LRP1B: variants seen among roughly 807,000 people sequenced by gnomAD.
LRP1B encodes low-density lipoprotein receptor-related protein 1B.
In LRP1B, 217 loss-of-function variants were observed where a neutral mutation model predicts 556.6. The ratio of observed to expected loss-of-function variants is 0.39; its 90% CI spans 0.35 to 0.44. The LOEUF (loss-of-function observed/expected upper bound fraction) is 0.44. Ranked by LOEUF, LRP1B falls within the 20% of genes least tolerant of loss-of-function variation. The pLI is 1.00. For synonymous variants in LRP1B, 2,047 were observed against 1,865.8 expected, an observed-to-expected ratio of 1.10 and a Z score of -2.50; for missense variants, 5,053 against 5,620.8, an observed-to-expected ratio of 0.90 and a Z score of 3.23.
intron 2 of LRP1B, among the ~76,000 whole-genome samples, chr2:141,501,306 A>G (rs1683701943): frequency 6.6e-6 from 1 of 152,184 alleles, no homozygotes. Flanking sequence ...CCTCAAGAAC[A>G]TAAGTATCAT....
intron 2 of LRP1B, among the ~76,000 whole-genome samples, chr2:141,710,094 T>C (rs1692303428): frequency 6.6e-6 from 1 of 152,130 alleles, no homozygotes; most frequent in Admixed American, 6.6e-5. Context: ...ACCATTACAC[T>C]GGGGGATTAA....
chr2:140,670,666 A>T (rs1402691764), intron 41 of LRP1B, among the ~76,000 whole-genome samples: 1 of 123,976 alleles, frequency 8.1e-6, no homozygotes, highest in Non-Finnish European at 1.8e-5. Flanking sequence ...TTAATCTTTT[A>T]AAAAAATAAG....
At position 140,233,017 on chromosome 2, in the gene LRP1B, AAT is replaced by A. The variant is rs1174685261; in HGVS notation, c.*167_*168del. 2.2e-6 allele frequency: 1 copy of A among 461,134 alleles called. No individual in the cohort carries two copies. The highest frequency in any genetic ancestry group is 3.8e-6 in the Non-Finnish European group (1 of 264,064). The allele number at this position is 461,134 out of a possible 1,614,324, so 28.6% of individuals were successfully genotyped here. A position where few individuals can be genotyped will look rare whatever the true frequency, so the allele number is the denominator to read the frequency against. ...AAAAATACCATACAAATGGTCAATC[AAT>A]AGTCATCAGCAAAAAATAAAACCCA... On this transcript the variant is annotated 3_prime_UTR_variant, in exon 91 of 91. Coordinates refer to ENST00000389484, the MANE Select transcript of LRP1B (RefSeq NM_018557.3).
chr2:140,797,460 T>C (rs1690356311), intron 32 of LRP1B, among the ~76,000 whole-genome samples: 1 of 152,112 alleles, frequency 6.6e-6, no homozygotes. Context: ...AAACATTAAC[T>C]ATAACAGCTT....
chr2:141,652,214 A>G (rs1689820533), intron 2 of LRP1B, among the ~76,000 whole-genome samples: 1 of 152,172 alleles, frequency 6.6e-6, no homozygotes, highest in African/African-American at 2.4e-5. Context: ...ACGCTTTCTC[A>G]TTGAGAGGAT....
intron 18 of LRP1B, among the ~76,000 whole-genome samples, chr2:140,972,874 C>A (rs1429360): frequency 6.7e-6 from 1 of 149,894 alleles, no homozygotes; most frequent in African/African-American, 2.4e-5. Context: ...TTTATAATGA[C>A]ACTATTTGGT....
intron 3 of LRP1B, among the ~76,000 whole-genome samples, chr2:141,298,279 T>G (rs184222619): frequency 6.6e-6 from 1 of 152,220 alleles, no homozygotes; most frequent in East Asian, 1.9e-4. Flanking sequence ...GCCCATGGCT[T>G]TTGGGAGGTA....
At chr2:141,865,275 T>C (rs1174056537) in intron 1 of LRP1B, among the ~76,000 whole-genome samples, 1 of 152,058 alleles carries the variant, frequency 6.6e-6, no homozygotes, top group Admixed American at 6.5e-5. Flanking sequence ...AAAGGACTCA[T>C]GAAAAATATC....
intron 66 of LRP1B, among the ~76,000 whole-genome samples, chr2:140,387,722 T>C (rs1010200933): frequency 6.6e-6 from 1 of 152,144 alleles, no homozygotes; most frequent in Non-Finnish European, 1.5e-5. Context: ...GTTTAAAATT[T>C]GGCCTAAATT....
chr2:141,703,427 C>T (rs1055232368), intron 2 of LRP1B, among the ~76,000 whole-genome samples: 4 of 151,962 alleles, frequency 2.6e-5, no homozygotes, highest in Admixed American at 6.6e-5. Flanking sequence ...AATAACACAA[C>T]GATTACGGGT....
In LRP1B at chr2:141,319,798, G is replaced by A. The variant is rs140391270; in HGVS notation, c.344-65157C>T. On this transcript the variant is annotated intron_variant, in intron 3 of 90. Transcript: ENST00000389484. Reference sequence around the variant, plus strand: ...TTTTATAGAGCAACATGTAATACATGAGTCAAGTCTGTCTTGCTGGGTTAC... The same window carrying A: ...TTTTATAGAGCAACATGTAATACATAAGTCAAGTCTGTCTTGCTGGGTTAC... 3.3e-3 allele frequency among the ~76,000 whole-genome samples: 502 copies of A among 152,134 alleles called. 2 individuals carry two copies. Among genetic ancestry groups the A allele is most frequent in the Middle Eastern group, 0.014 (4 of 294 alleles).
chr2:141,769,554 G>A (rs1377555077), intron 2 of LRP1B, among the ~76,000 whole-genome samples: 1 of 152,134 alleles, frequency 6.6e-6, no homozygotes, highest in South Asian at 2.1e-4. Context: ...ACATTACACG[G>A]GACATCAGGT....
At chr2:140,510,774 G>A (rs374288623) in intron 51 of LRP1B, among the ~76,000 whole-genome samples, 15 of 151,994 alleles carry the variant, frequency 9.9e-5, no homozygotes, top group African/African-American at 3.4e-4. Flanking sequence ...TTCTTTAGTT[G>A]CATGATAATG....
chr2:141,958,312 C>A (rs534614543), intron 1 of LRP1B, among the ~76,000 whole-genome samples: 6 of 152,060 alleles, frequency 3.9e-5, no homozygotes, highest in African/African-American at 1.4e-4. Context: ...ATCTCTGTGA[C>A]CTGGATTTAA....
intron 2 of LRP1B, among the ~76,000 whole-genome samples, chr2:141,553,774 T>A (rs1175786327): frequency 2.1e-5 from 3 of 139,644 alleles, no homozygotes; most frequent in Non-Finnish European, 4.6e-5. Flanking sequence ...TATGTTTATA[T>A]TATATATAAA....
At chr2:141,768,910 A>G (rs1694814635) in intron 2 of LRP1B, among the ~76,000 whole-genome samples, 1 of 151,940 alleles carries the variant, frequency 6.6e-6, no homozygotes. Context: ...CATTTAATAT[A>G]TATGTATATA....
chr2:141,137,879 G>A (rs1221792774), intron 7 of LRP1B, among the ~76,000 whole-genome samples: 1 of 150,694 alleles, frequency 6.6e-6, no homozygotes. Context: ...GCCATGTTAT[G>A]GATTTTTTTT....
At chr2:140,994,504 G>T (rs1472048101) in intron 15 of LRP1B, among the ~76,000 whole-genome samples, 1 of 151,612 alleles carries the variant, frequency 6.6e-6, no homozygotes, top group Non-Finnish European at 1.5e-5. Flanking sequence ...AGCGCAAAGT[G>T]GCAGATAGGT....
intron 1 of LRP1B, among the ~76,000 whole-genome samples, chr2:141,975,751 T>A (rs566132301): frequency 5.9e-5 from 9 of 152,148 alleles, no homozygotes; most frequent in Admixed American, 5.9e-4. Context: ...ATGAAGGGAA[T>A]GAAGCCATAT....
Sources: allele counts gnomAD v4.1 joint callset (sites outside exome capture counted in the v4.1 genomes callset), GRCh38; gene constraint gnomAD v4.1.1; transcripts MANE v1.5; gene names NCBI Gene and HGNC (gene_info 2026-07-23, HGNC 2026-07-21).